The following CDON variants were observed in gnomAD, a reference collection of about 807,000 sequenced individuals.
CDON encodes cell adhesion associated, oncogene regulated.
In CDON, 73 loss-of-function variants were observed where a neutral mutation model predicts 120.9. That is an observed-to-expected ratio of 0.60 (90% CI 0.50 to 0.73). The LOEUF is 0.73. Ranked by LOEUF, CDON falls within the 30% of genes least tolerant of loss-of-function variation. The pLI, the probability that CDON is intolerant of heterozygous loss-of-function variation, is 0.00. For synonymous variants in CDON, 566 were observed against 573.5 expected, an observed-to-expected ratio of 0.99 and a Z score of 0.19; for missense variants, 1,470 against 1,587.3, an observed-to-expected ratio of 0.93 and a Z score of 1.26.
intron 1 of CDON, among the ~76,000 whole-genome samples, chr11:126,057,280 T>C (rs1310452735): frequency 6.6e-6 from 1 of 152,198 alleles, no homozygotes; most frequent in Non-Finnish European, 1.5e-5. Context: ...GCCAATAAAA[T>C]GAATTATTAT....
intron 15 of CDON, among the ~76,000 whole-genome samples, chr11:125,986,974 GT>G: frequency 6.6e-6 from 1 of 152,308 alleles, no homozygotes; most frequent in East Asian, 1.9e-4. Flanking sequence ...GAGGTGGTAT[GT>G]TAGATTATAC....
intron 9 of CDON, chr11:126,005,541 T>C (rs1287772973): frequency 3.4e-6 from 2 of 590,656 alleles, no homozygotes; most frequent in African/African-American, 1.9e-5. Context: ...CATCATTGGG[T>C]TCCTAGAATT....
intron 7 of CDON, among the ~76,000 whole-genome samples, chr11:126,012,768 T>A (rs953709254): frequency 2.0e-5 from 3 of 152,170 alleles, no homozygotes; most frequent in Non-Finnish European, 4.4e-5. Context: ...TATTATTATT[T>A]ATCATAATAG....
chr11:125,979,439 G>A (rs978758938), intron 17 of CDON, among the ~76,000 whole-genome samples: 3 of 152,068 alleles, frequency 2.0e-5, no homozygotes, highest in African/African-American at 2.4e-5. Flanking sequence ...CAACCTGCAG[G>A]GTAACGTTGT....
intron 9 of CDON, 37 bp from the exon 10 acceptor site, chr11:126,004,113 G>C: frequency 6.3e-7 from 1 of 1,599,386 alleles, no homozygotes; most frequent in Non-Finnish European, 8.6e-7. Flanking sequence ...AGAAAAGCAG[G>C]AGATGGAGGA....
chr11:126,051,182 T>C (rs1948550287), intron 1 of CDON, among the ~76,000 whole-genome samples: 1 of 152,204 alleles, frequency 6.6e-6, no homozygotes, highest in South Asian at 2.1e-4. Context: ...CTGACACCTG[T>C]AATCACAATG....
intron 17 of CDON, among the ~76,000 whole-genome samples, chr11:125,978,865 G>T (rs1211715920): frequency 1.3e-5 from 2 of 152,144 alleles, no homozygotes; most frequent in Non-Finnish European, 2.9e-5. Flanking sequence ...TTTCAATTAG[G>T]TCTGTTCACT....
intron 1 of CDON, among the ~76,000 whole-genome samples, chr11:126,040,814 CAAAAAAAAAAAAAAAAAA>C (rs71048763): frequency 6.7e-5 from 3 of 45,016 alleles, no homozygotes; most frequent in Admixed American, 3.1e-4. Context: ...GACTCCGTCT[CAAAAAAAAAAAAAAAAAA>C]AAAAAAAAAA....
At chr11:125,972,495 G>A (rs1231196104) in intron 18 of CDON, among the ~76,000 whole-genome samples, 3 of 152,110 alleles carry the variant, frequency 2.0e-5, no homozygotes, top group East Asian at 1.9e-4. Context: ...TGAGGCAAGC[G>A]GTCATTTACA....
chr11:126,010,936 T>C (rs938228489), intron 7 of CDON: 4 of 559,082 alleles, frequency 7.2e-6, no homozygotes, highest in Non-Finnish European at 1.0e-5. Flanking sequence ...AAGAAAGGAA[T>C]ATATATAAAG....
intron 9 of CDON, chr11:126,004,400 T>A (rs1164466588): frequency 5.7e-6 from 2 of 349,874 alleles, no homozygotes; most frequent in Admixed American, 4.3e-5. Flanking sequence ...CCTGGGCTAA[T>A]GAAGAATAAA....
intron 16 of CDON, among the ~76,000 whole-genome samples, chr11:125,981,963 CTATTTTCTTTT>C (rs1167101519): frequency 3.8e-4 from 13 of 34,154 alleles, no homozygotes; most frequent in East Asian, 1.1e-3. Flanking sequence ...AAAAGTGATT[CTATTTTCTTTT>C]TTTTTTTTTT....
intron 1 of CDON, among the ~76,000 whole-genome samples, chr11:126,060,816 A>C (rs932247432): frequency 6.6e-6 from 1 of 152,232 alleles, no homozygotes; most frequent in Admixed American, 6.5e-5. Flanking sequence ...AAGTGAACTT[A>C]ATTCTTTTCC....
chr11:126,036,112 C>T (rs1266052011), intron 1 of CDON, among the ~76,000 whole-genome samples: 1 of 152,162 alleles, frequency 6.6e-6, no homozygotes, highest in African/African-American at 2.4e-5. Flanking sequence ...CAGATAGACC[C>T]AACCTGGAAC....
At position 126,015,416 on chromosome 11, in the gene CDON, G is replaced by T. The variant is rs766565354; in HGVS notation, c.1023C>A (p.Pro341=). ...GTGCATTGTGAAACCAGGTACAGTT[G>T]GGGGCTGGGTTCCCATGAACGTCGC... The part of the protein sequence containing the change: ...FTCDVHGNPA[P]NCTWFHNAQP... Residue 341 remains proline (P), a synonymous_variant, in exon 7 of 20, where the codon CCC becomes CCA. Coordinates refer to ENST00000531738, the MANE Select transcript of CDON (RefSeq NM_001378964.1). 5.6e-6 allele frequency: 9 copies of T among 1,614,026 alleles called. No individual in the cohort carries two copies. The highest frequency in any genetic ancestry group is 2.7e-5 in the African/African-American group (2 of 74,908).
In CDON at chr11:126,034,129, TAAAAA is replaced by T. The variant is rs534374033; in HGVS notation, c.-61-10597_-61-10593del. 6.9e-6 allele frequency among the ~76,000 whole-genome samples: 1 copy of T among 144,342 alleles called. No individual in the cohort carries two copies. The highest frequency in any genetic ancestry group is 1.5e-5 in the Non-Finnish European group (1 of 65,548). The allele number at this position is 144,342 out of a possible 152,430, so 94.7% of individuals were successfully genotyped here. ...GATCGTGCAATCATTCAGATCAACTTAAAAAAAAAAAAGTTCACACCTACAGACTT... is the reference window on the plus strand; with the variant it reads ...GATCGTGCAATCATTCAGATCAACTTAAAAAAAGTTCACACCTACAGACTT... On this transcript the variant is annotated intron_variant, in intron 1 of 19. Coordinates refer to ENST00000531738, the MANE Select transcript of CDON (RefSeq NM_001378964.1). This position sits in a 1 kb window ranked among gnomAD's most constrained non-coding sequence, Gnocchi z 4.5.
In CDON at chr11:126,017,104, G is replaced by A. The variant is rs370413514; in HGVS notation, c.912C>T (p.Tyr304=). Residue 304 remains tyrosine, a synonymous_variant, in exon 6 of 20, where the codon TAC becomes TAT. Coordinates refer to ENST00000531738, the MANE Select transcript of CDON (RefSeq NM_001378964.1). Reference sequence around the variant, plus strand: ...ACATCTTACCAAGTACATTAACCATGTAAGTCACATATTTTACATCTCCAG... The same window carrying A: ...ACATCTTACCAAGTACATTAACCATATAAGTCACATATTTTACATCTCCAG... ...NKSGDVKYVT[Y]MVNVLEHASI... The A allele has an allele frequency of 6.2e-7, 1 of 1,613,904 alleles. No individual in the cohort carries two copies. The highest frequency in any genetic ancestry group is 1.1e-5 in the South Asian group (1 of 91,080).
intron 7 of CDON, chr11:126,014,989 C>T: frequency 4.0e-6 from 2 of 503,868 alleles, no homozygotes; most frequent in South Asian, 2.2e-5. Flanking sequence ...AGAGATTGTA[C>T]CATATAGATT....
intron 3 of CDON, among the ~76,000 whole-genome samples, chr11:126,020,007 A>T (rs527446756): frequency 2.5e-5 from 3 of 121,840 alleles, no homozygotes; most frequent in African/African-American, 9.3e-5. Flanking sequence ...AGCAGTGGAG[A>T]GCCACTGCAC....
Sources: gnomAD v4.1 joint callset for allele counts (sites outside exome capture counted in the v4.1 genomes callset) on GRCh38, gnomAD v4.1.1 for gene constraint, Gnocchi (gnomAD v3.1) non-coding constraint, MANE v1.5 for transcripts, NCBI Gene and HGNC (gene_info 2026-07-23, HGNC 2026-07-21) for gene names.